Variants in PRKAG2 observed in about 807,000 individuals in gnomAD.
PRKAG2 encodes 5'-AMP-activated protein kinase subunit gamma-2.
A neutral mutation model predicts 69.6 loss-of-function variants in PRKAG2; 26 were observed. That is an observed-to-expected ratio of 0.37 (90% confidence interval 0.27 to 0.52). PRKAG2 has a LOEUF of 0.52. Among genes scored for constraint, PRKAG2 ranks in the 20% least tolerant of loss-of-function variants. PRKAG2 has a pLI of 0.90. For synonymous variants in PRKAG2, 293 were observed against 285.0 expected, an observed-to-expected ratio of 1.03 and a Z score of -0.28; for missense variants, 557 against 740.0, an observed-to-expected ratio of 0.75 and a Z score of 2.87.
At chr7:151,644,873 G>A (rs759482564) in intron 4 of PRKAG2, among the ~76,000 whole-genome samples, 11 of 152,154 alleles carry the variant, frequency 7.2e-5, no homozygotes, top group Non-Finnish European at 1.2e-4. Context: ...TATCATTTTA[G>A]TCATTCTAGT....
chr7:151,675,181 A>G, intron 4 of PRKAG2: 1 of 505,474 alleles, frequency 2.0e-6, no homozygotes, highest in Non-Finnish European at 3.7e-6. Context: ...TTGGCCTCCC[A>G]AAGTGCTGGG....
rs759252201 is a variant in PRKAG2, at chr7:151,679,318, C to T, written c.467-3681G>A. On this transcript the variant is annotated intron_variant, in intron 3 of 15. Transcript: ENST00000287878. Reference sequence around the variant, plus strand: ...TGTAGTGTGGGGCACTGCCTGGGGCCTTAGACCCCAGAGTCATATCCTTCA... The same window carrying T: ...TGTAGTGTGGGGCACTGCCTGGGGCTTTAGACCCCAGAGTCATATCCTTCA... Among the ~76,000 whole-genome samples, 3 of 152,278 alleles carry T rather than the reference C, an allele frequency of 2.0e-5. No homozygotes were observed. The South Asian group carries it at 6.2e-4, about 32-fold the overall frequency.
rs1022582632 is a variant in PRKAG2, at chr7:151,850,340, C to G, written c.114+26167G>C. On this transcript the variant is annotated intron_variant, in intron 1 of 15. Transcript: ENST00000287878. This position sits in a 1 kb window ranked among gnomAD's most constrained non-coding sequence, Gnocchi z 4.1. ...GAAGGTTTCTCCTGGAAGGAGGGAT[C>G]AAATCTGTCTAAGCTCCGAAGTAAC... Among the ~76,000 whole-genome samples the G allele has an allele frequency of 3.3e-5, 5 of 152,340 alleles. No individual in the cohort carries two copies. The East Asian group carries it at 9.6e-4, about 29-fold the overall frequency.
In PRKAG2 at chr7:151,614,559, T is replaced by C. The variant is rs1281736030; in HGVS notation, c.754+17510A>G. Among the ~76,000 whole-genome samples the C allele has an allele frequency of 6.6e-6, 1 of 152,034 alleles. No individual in the cohort carries two copies. The highest frequency in any genetic ancestry group is 1.9e-4 in the East Asian group (1 of 5,152). On this transcript the variant is annotated intron_variant, in intron 5 of 15. Transcript: ENST00000287878. This position sits in a 1 kb window ranked among gnomAD's most constrained non-coding sequence, Gnocchi z 4.4. ...CCGTCCCATCCCTGCGTGCTCTCCTTCACCTCCGCCCCTCACCAGCTTGCT... is the reference window on the plus strand; with the variant it reads ...CCGTCCCATCCCTGCGTGCTCTCCTCCACCTCCGCCCCTCACCAGCTTGCT...
At chr7:151,703,423 T>C (rs1585898477) in intron 3 of PRKAG2, among the ~76,000 whole-genome samples, 1 of 152,224 alleles carries the variant, frequency 6.6e-6, no homozygotes, top group East Asian at 1.9e-4. Context: ...GAGCACTGGA[T>C]GGCTCCGTCA....
At chr7:151,576,044 C>T (rs1206573164) in intron 7 of PRKAG2, 8 of 379,662 alleles carry the variant, frequency 2.1e-5, no homozygotes, top group East Asian at 6.2e-5. Flanking sequence ...TACAGTGCAG[C>T]GATCATGGCC....
intron 1 of PRKAG2, among the ~76,000 whole-genome samples, chr7:151,831,380 T>C (rs1204803795): frequency 6.6e-6 from 1 of 152,202 alleles, no homozygotes; most frequent in Non-Finnish European, 1.5e-5. Flanking sequence ...ATTCATACAA[T>C]GGAATATTAT....
intron 4 of PRKAG2, among the ~76,000 whole-genome samples, chr7:151,659,122 T>C (rs1473691082): frequency 6.6e-6 from 1 of 152,228 alleles, no homozygotes; most frequent in African/African-American, 2.4e-5. Flanking sequence ...CCTTTTTCTA[T>C]GCACCCAAGC....
intron 4 of PRKAG2, among the ~76,000 whole-genome samples, chr7:151,648,300 G>A (rs1827891310): frequency 1.3e-5 from 2 of 152,078 alleles, no homozygotes; most frequent in Non-Finnish European, 2.9e-5. Context: ...GAAATCATAG[G>A]TTTTGCTGTT....
Position 151,830,118 on chromosome 7 carries a change from G to GTT in PRKAG2, c.115-43579_115-43578dup, listed in dbSNP as rs112012814. 4.6e-3 allele frequency among the ~76,000 whole-genome samples: 655 copies of GTT among 141,730 alleles called. 8 individuals carry two copies. Among genetic ancestry groups the GTT allele is most frequent in the African/African-American group, 8.5e-3 (326 of 38,294 alleles). The allele number at this position is 141,730 out of a possible 152,430, so 93.0% of individuals were successfully genotyped here. ...CCAATGTCGAGGACTGTTCCACCTG[G>GTT]TTTTTTTTTTTTTTTTTTACCATGC... On this transcript the variant is annotated intron_variant, in intron 1 of 15. Coordinates refer to ENST00000287878, the MANE Select transcript of PRKAG2 (RefSeq NM_016203.4).
At chr7:151,587,133 T>C (rs768766599) in intron 6 of PRKAG2, among the ~76,000 whole-genome samples, 27 of 152,300 alleles carry the variant, frequency 1.8e-4, no homozygotes, top group Non-Finnish European at 3.1e-4. Context: ...AGAGCGAGAC[T>C]CTGCCTCAAA....
chr7:151,795,395 C>T (rs1484043819), intron 1 of PRKAG2, among the ~76,000 whole-genome samples: 1 of 152,068 alleles, frequency 6.6e-6, no homozygotes, highest in Non-Finnish European at 1.5e-5. Flanking sequence ...GTTGCCGCCT[C>T]CATCCGGAGT....
chr7:151,662,240 C>T (rs1358249434), intron 4 of PRKAG2, among the ~76,000 whole-genome samples: 1 of 152,204 alleles, frequency 6.6e-6, no homozygotes, highest in Non-Finnish European at 1.5e-5. Flanking sequence ...TGCTTCTCCA[C>T]ATCAGACTTC....
chr7:151,621,653 A>G (rs192565396), intron 5 of PRKAG2, among the ~76,000 whole-genome samples: 2,441 of 152,136 alleles, frequency 0.016, 34 homozygotes, highest in Non-Finnish European at 0.025. Context: ...GCTCTCTGCC[A>G]CCTCCACCTC....
At chr7:151,802,800 C>T (rs2077906718) in intron 1 of PRKAG2, among the ~76,000 whole-genome samples, 1 of 151,202 alleles carries the variant, frequency 6.6e-6, no homozygotes, top group Non-Finnish European at 1.5e-5. Flanking sequence ...CGCTCTTCTG[C>T]AGCAGCCACC....
At chr7:151,862,342 T>A (rs1376456564) in intron 1 of PRKAG2, among the ~76,000 whole-genome samples, 1 of 152,248 alleles carries the variant, frequency 6.6e-6, no homozygotes, top group South Asian at 2.1e-4. Context: ...ATGCCTCTTT[T>A]TGAAACCAAC....
chr7:151,694,219 G>C (rs985398864), intron 3 of PRKAG2, among the ~76,000 whole-genome samples: 1 of 152,212 alleles, frequency 6.6e-6, no homozygotes, highest in Non-Finnish European at 1.5e-5. Context: ...GTATGATTAC[G>C]GCAGCCTAAA....
At chr7:151,570,037 C>T (rs1160313698) in intron 10 of PRKAG2, 134 bp downstream of exon 10, 15 of 1,013,734 alleles carry the variant, frequency 1.5e-5, no homozygotes. Context: ...TGAATGCGTA[C>T]AGTGTAGCTG....
At chr7:151,732,703 T>C (rs1048743296) in intron 3 of PRKAG2, among the ~76,000 whole-genome samples, 1 of 152,094 alleles carries the variant, frequency 6.6e-6, no homozygotes, top group Non-Finnish European at 1.5e-5. Context: ...CAGAGTGGTT[T>C]TTCTTTGAGA....
Sources: allele counts gnomAD v4.1 joint callset (sites outside exome capture counted in the v4.1 genomes callset), GRCh38; gene constraint gnomAD v4.1.1; non-coding constraint Gnocchi (gnomAD v3.1); transcripts MANE v1.5; gene names NCBI Gene and HGNC (gene_info 2026-07-23, HGNC 2026-07-21).